ABI1: variants seen among roughly 807,000 people sequenced by gnomAD.
ABI1 encodes the protein Abelson interactor 1.
ABI1 carries 14 observed loss-of-function variants against 54.6 expected under a neutral mutation model. That is an observed-to-expected ratio of 0.26 (90% CI 0.17 to 0.40). The LOEUF is 0.40. Among genes scored for constraint, ABI1 ranks in the 10% least tolerant of loss-of-function variants. The pLI, the probability that ABI1 is intolerant of heterozygous loss-of-function variation, is 1.00. For missense variants in ABI1, 443 were observed against 598.3 expected (o/e 0.74, Z 2.71); for synonymous variants, 194 against 209.3 (o/e 0.93, Z 0.63).
At chr10:26,820,745 G>A (rs956419995) in intron 2 of ABI1, among the ~76,000 whole-genome samples, 1 of 151,586 alleles carries the variant, frequency 6.6e-6, no homozygotes, top group Non-Finnish European at 1.5e-5. Flanking sequence ...CCGCCACCAC[G>A]CCCGGCTAAT....
chr10:26,810,806 C>T (rs1443559035), intron 2 of ABI1, among the ~76,000 whole-genome samples: 2 of 146,970 alleles, frequency 1.4e-5, no homozygotes, highest in African/African-American at 5.3e-5. Flanking sequence ...GTTTAGTACA[C>T]CTGTTCTTTT....
chr10:26,834,270 C>T (rs780071367), intron 1 of ABI1, among the ~76,000 whole-genome samples: 9 of 151,848 alleles, frequency 5.9e-5, no homozygotes, highest in Non-Finnish European at 1.0e-4. Flanking sequence ...ACTGGAATAT[C>T]ATCTAGTCAA....
At chr10:26,762,646 A>G (rs1347001594) in intron 7 of ABI1, among the ~76,000 whole-genome samples, 1 of 152,222 alleles carries the variant, frequency 6.6e-6, no homozygotes, top group African/African-American at 2.4e-5. Flanking sequence ...CAAAGCAATG[A>G]CTTTATCATA....
chr10:26,755,205 C>T (rs1171709429), intron 9 of ABI1, among the ~76,000 whole-genome samples: 1 of 152,100 alleles, frequency 6.6e-6, no homozygotes, highest in Middle Eastern at 3.2e-3. Context: ...ACAAAGCTTT[C>T]CCTAAAATTT....
intron 10 of ABI1, among the ~76,000 whole-genome samples, chr10:26,750,658 T>C (rs1157214262): frequency 1.4e-5 from 2 of 145,590 alleles, no homozygotes; most frequent in East Asian, 3.9e-4. Context: ...CAACCAAAAG[T>C]GTTCAACTAA....
chr10:26,828,392 A>C (rs2048445973), intron 1 of ABI1, among the ~76,000 whole-genome samples: 1 of 152,248 alleles, frequency 6.6e-6, no homozygotes, highest in African/African-American at 2.4e-5. Context: ...CAAAGTAAGC[A>C]CATGCCCTTA....
At chr10:26,799,363 T>C (rs1488105443) in intron 2 of ABI1, among the ~76,000 whole-genome samples, 2 of 152,188 alleles carry the variant, frequency 1.3e-5, no homozygotes, top group Admixed American at 1.3e-4. Flanking sequence ...CTCAAAAATA[T>C]TTTAAAATAC....
intron 2 of ABI1, among the ~76,000 whole-genome samples, chr10:26,813,691 A>C (rs181790506): frequency 6.7e-6 from 1 of 148,856 alleles, no homozygotes; most frequent in African/African-American, 2.5e-5. Flanking sequence ...TGAATGAAGA[A>C]GCAGACATGA....
At chr10:26,805,037 C>T (rs1450979364) in intron 2 of ABI1, among the ~76,000 whole-genome samples, 1 of 152,134 alleles carries the variant, frequency 6.6e-6, no homozygotes, top group East Asian at 1.9e-4. Context: ...AGACGGTGTT[C>T]CTATTAGGCA....
At chr10:26,818,604 C>T (rs2047741857) in intron 2 of ABI1, among the ~76,000 whole-genome samples, 1 of 132,894 alleles carries the variant, frequency 7.5e-6, no homozygotes, top group Admixed American at 8.3e-5. Context: ...TGCACTCCAG[C>T]CTGGACAACA....
Position 26,770,319 on chromosome 10 carries a change from A to G in ABI1, c.504T>C (p.Thr168=). The G allele has an allele frequency of 1.9e-6, 3 of 1,614,032 alleles. No individual in the cohort carries two copies. The highest frequency in any genetic ancestry group is 2.5e-6 in the Non-Finnish European group (3 of 1,179,886). The change falls in exon 5 of 11, where the codon ACT becomes ACC. Residue 168 remains threonine, a synonymous_variant. Coordinates refer to ENST00000376140, the MANE Select transcript of ABI1 (RefSeq NM_001012750.3). ...AKHGNNQPAR[T]GTLSRTNPPT... is the part of the protein sequence containing the mutation. ...GAGGATTTGTTCTCGACAGTGTGCCAGTTCTTGCAGGCTGGTTATTTCCAT... is the reference window on the plus strand; with the variant it reads ...GAGGATTTGTTCTCGACAGTGTGCCGGTTCTTGCAGGCTGGTTATTTCCAT...
At position 26,777,256 on chromosome 10, in the gene ABI1, G is replaced by C. The variant is rs1371043837; in HGVS notation, c.286-15C>G. 56 of 1,584,646 alleles carry C rather than the reference G, an allele frequency of 3.5e-5. No homozygotes were observed. Among genetic ancestry groups the C allele is most frequent in the Non-Finnish European group, 4.6e-5 (53 of 1,164,520 alleles). On this transcript the variant is annotated splice_polypyrimidine_tract_variant and intron_variant, in intron 2 of 10. Coordinates refer to ENST00000376140, the MANE Select transcript of ABI1 (RefSeq NM_001012750.3). ...ATATCCACAGTCTATATTTTAATTT[G>C]AACAAAACAAGAAAATATTATTTGA...
chr10:26,839,877 C>T lies in ABI1; in HGVS notation c.118-16572G>A, dbSNP rs1192394271. The T allele has an allele frequency of 9.1e-6, 6 of 658,184 alleles. No individual in the cohort carries two copies. The African/African-American group carries it at 1.1e-4, about 12-fold the overall frequency. The allele number at this position is 658,184 out of a possible 1,614,324, so 40.8% of individuals were successfully genotyped here. Reference sequence around the variant, plus strand: ...TGGTAGCACGTGCCTGTAGTCCCAACAACTTGGAAGGCTAAGGCAAGGGAA... The same window carrying T: ...TGGTAGCACGTGCCTGTAGTCCCAATAACTTGGAAGGCTAAGGCAAGGGAA... On this transcript the variant is annotated intron_variant, in intron 1 of 10. Transcript: ENST00000376140.
intron 2 of ABI1, among the ~76,000 whole-genome samples, chr10:26,793,106 A>G (rs552713928): frequency 6.6e-6 from 1 of 152,372 alleles, no homozygotes; most frequent in African/African-American, 2.4e-5. Context: ...AACCTTGTAC[A>G]TAAGTAAAAA....
intron 1 of ABI1, among the ~76,000 whole-genome samples, chr10:26,834,421 C>G (rs1043571642): frequency 6.6e-6 from 1 of 151,946 alleles, no homozygotes; most frequent in Non-Finnish European, 1.5e-5. Flanking sequence ...TATTTGCAAA[C>G]TATCCATCTG....
intron 2 of ABI1, among the ~76,000 whole-genome samples, chr10:26,819,258 A>T (rs2133732631): frequency 1.3e-5 from 2 of 152,342 alleles, no homozygotes; most frequent in African/African-American, 4.8e-5. Flanking sequence ...GAGGCAGAAA[A>T]AGAGGATAAA....
chr10:26,797,972 T>G (rs1447110998), intron 2 of ABI1, among the ~76,000 whole-genome samples: 1 of 152,058 alleles, frequency 6.6e-6, no homozygotes, highest in Non-Finnish European at 1.5e-5. Flanking sequence ...TAACCTGAAA[T>G]CTCTCCCACT....
At position 26,835,287 on chromosome 10, in the gene ABI1, A is replaced by G. The variant is rs566345305; in HGVS notation, c.118-11982T>C. On this transcript the variant is annotated intron_variant, in intron 1 of 10. Transcript: ENST00000376140. ...CAATATGAAGATTCCTCAAAAAACT[A>G]AAATTAGTCAGGCACAATGGCACAC... Among the ~76,000 whole-genome samples the G allele has an allele frequency of 7.1e-4, 108 of 152,190 alleles. 1 individual carries two copies. Among genetic ancestry groups the G allele is most frequent in the African/African-American group, 2.4e-3 (101 of 41,530 alleles).
intron 1 of ABI1, among the ~76,000 whole-genome samples, chr10:26,837,367 G>A (rs2049152146): frequency 6.6e-6 from 1 of 152,048 alleles, no homozygotes; most frequent in Non-Finnish European, 1.5e-5. Flanking sequence ...AGCTCTATGG[G>A]ATCAGGGCTC....
Sources: gnomAD v4.1 joint callset for allele counts (sites outside exome capture counted in the v4.1 genomes callset) on GRCh38, gnomAD v4.1.1 for gene constraint, MANE v1.5 for transcripts, NCBI Gene and HGNC (gene_info 2026-07-23, HGNC 2026-07-21) for gene names.